Variants in ARHGAP6 observed in about 807,000 individuals in gnomAD.
The protein encoded by ARHGAP6 is Rho GTPase activating protein 6, also known as rho GTPase-activating protein 6.
Under a neutral mutation model 55.7 loss-of-function variants are expected in ARHGAP6, and 16 were observed. The observed-to-expected ratio is 0.29, with a 90% CI of 0.19 to 0.44. The LOEUF (loss-of-function observed/expected upper bound fraction) is 0.44, where lower values mean the gene tolerates loss of function less well. Ranked by LOEUF, ARHGAP6 falls within the 20% of genes least tolerant of loss-of-function variation. The pLI is 1.00. For synonymous variants in ARHGAP6, 382 were observed against 360.9 expected (o/e 1.06, Z -0.66); for missense variants, 698 against 808.9 (o/e 0.86, Z 1.66).
rs5933862 is a variant in ARHGAP6, at chrX:11,137,609, T to A, written c.*1254A>T. 0.21 allele frequency: 22,220 copies of A among 107,989 alleles called. 1,804 individuals are homozygous for A. The highest frequency in any genetic ancestry group is 0.27 in the Middle Eastern group (56 of 206). 8.9% of individuals were successfully genotyped at this position (107,989 alleles called of 1,213,427 possible). A position where few individuals can be genotyped will look rare whatever the true frequency, so the allele number is the denominator to read the frequency against. ...TTAAGAAACACCACTGGGAATTTCATCACCAACATGAAAATTAAGAGTAGC... is the reference window on the plus strand; with the variant it reads ...TTAAGAAACACCACTGGGAATTTCAACACCAACATGAAAATTAAGAGTAGC... On this transcript the variant is annotated 3_prime_UTR_variant, in exon 13 of 13. Coordinates refer to ENST00000337414, the MANE Select transcript of ARHGAP6 (RefSeq NM_013427.3).
At chrX:11,195,959 C>CAAAAAAAAAAA (rs1024986729) in intron 3 of ARHGAP6, among the ~76,000 whole-genome samples, 4 of 8,413 alleles carry the variant, frequency 4.8e-4, no homozygotes, top group African/African-American at 9.0e-4. Flanking sequence ...ACTAAAAATA[C>CAAAAAAAAAAA]AAAAAAAAAA....
chrX:11,531,241 A>C (rs992711990), intron 1 of ARHGAP6, among the ~76,000 whole-genome samples: 1 of 111,690 alleles, frequency 9.0e-6, no homozygotes, highest in African/African-American at 3.3e-5. Context: ...AGGAAAAAGG[A>C]CCTTCCAAAT....
chrX:11,274,372 T>C (rs759084048), intron 1 of ARHGAP6, among the ~76,000 whole-genome samples: 26 of 111,758 alleles, frequency 2.3e-4, no homozygotes, highest in African/African-American at 8.4e-4. Context: ...CCCACTCATT[T>C]ACCTATTGTC....
At chrX:11,148,525 C>T (rs1038484316) in intron 10 of ARHGAP6, 5 of 239,880 alleles carry the variant, frequency 2.1e-5, no homozygotes, top group South Asian at 1.9e-4. Flanking sequence ...AGGGTTTCCC[C>T]GTTAGACCCC....
chrX:11,310,246 C>T (rs1362364873), intron 1 of ARHGAP6, among the ~76,000 whole-genome samples: 1 of 103,370 alleles, frequency 9.7e-6, no homozygotes, highest in East Asian at 3.0e-4. Flanking sequence ...GGATGTGGAA[C>T]CCTTACATAG....
intron 1 of ARHGAP6, among the ~76,000 whole-genome samples, chrX:11,639,008 C>T (rs2052445755): frequency 9.0e-6 from 1 of 110,707 alleles, no homozygotes; most frequent in Non-Finnish European, 1.9e-5. Flanking sequence ...CATGGATTGA[C>T]AGCCTCATTT....
At chrX:11,522,770 G>A (rs1417159958) in intron 1 of ARHGAP6, among the ~76,000 whole-genome samples, 1 of 111,365 alleles carries the variant, frequency 9.0e-6, no homozygotes, top group Non-Finnish European at 1.9e-5. Flanking sequence ...AAAAGTCCAG[G>A]ACAAGATGGA....
chrX:11,257,732 CACAA>C (rs963535178), intron 1 of ARHGAP6, among the ~76,000 whole-genome samples: 2 of 111,715 alleles, frequency 1.8e-5, no homozygotes, highest in South Asian at 3.7e-4. Context: ...GTAGGAAGAA[CACAA>C]ACAATCCATA....
At chrX:11,557,979 C>G (rs891748506) in intron 1 of ARHGAP6, among the ~76,000 whole-genome samples, 1 of 111,874 alleles carries the variant, frequency 8.9e-6, no homozygotes, top group Middle Eastern at 4.6e-3. Context: ...AGACCTACCA[C>G]AATGCATGCT....
chrX:11,533,983 T>A (rs978498372), intron 1 of ARHGAP6, among the ~76,000 whole-genome samples: 1 of 112,149 alleles, frequency 8.9e-6, no homozygotes, highest in African/African-American at 3.2e-5. Flanking sequence ...TTTGGAAAGA[T>A]CACTGTGACA....
chrX:11,394,296 G>A (rs1173980325), intron 1 of ARHGAP6, among the ~76,000 whole-genome samples: 1 of 111,821 alleles, frequency 8.9e-6, no homozygotes, highest in Non-Finnish European at 1.9e-5. Flanking sequence ...ATGTCATGTT[G>A]TATGGTTCCA....
intron 1 of ARHGAP6, among the ~76,000 whole-genome samples, chrX:11,317,166 T>A (rs1453231044): frequency 8.9e-6 from 1 of 112,442 alleles, no homozygotes; most frequent in African/African-American, 3.2e-5. Flanking sequence ...TTTCCTAGAA[T>A]GTAAGTGAGT....
intron 1 of ARHGAP6, among the ~76,000 whole-genome samples, chrX:11,270,123 G>A (rs542753918): frequency 2.0e-4 from 22 of 112,267 alleles, no homozygotes; most frequent in South Asian, 1.1e-3. Context: ...AGCGTAAAGC[G>A]TAAAGAGCTT....
At chrX:11,241,420 G>A (rs1602943138) in intron 2 of ARHGAP6, among the ~76,000 whole-genome samples, 1 of 110,932 alleles carries the variant, frequency 9.0e-6, no homozygotes. Context: ...GTGGGAACCA[G>A]GGTTCAAGAG....
At chrX:11,565,574 G>A (rs2051432847) in intron 1 of ARHGAP6, among the ~76,000 whole-genome samples, 1 of 112,376 alleles carries the variant, frequency 8.9e-6, no homozygotes, top group African/African-American at 3.2e-5. Flanking sequence ...TGGGCCAGTG[G>A]CCCATGGGAG....
At chrX:11,396,596 G>T (rs2049480225) in intron 1 of ARHGAP6, among the ~76,000 whole-genome samples, 1 of 111,508 alleles carries the variant, frequency 9.0e-6, no homozygotes, top group African/African-American at 3.3e-5. Context: ...TTTTTGCTAG[G>T]TACCAGTCCA....
intron 2 of ARHGAP6, among the ~76,000 whole-genome samples, chrX:11,211,257 T>C (rs1277772186): frequency 1.9e-5 from 2 of 104,508 alleles, no homozygotes; most frequent in East Asian, 3.0e-4. Flanking sequence ...GAGTTTCCTC[T>C]GTCGCCCAGG....
rs2147685964 is a variant in ARHGAP6 at position 11,358,449 on chromosome X, CTTT to C, written c.589-103745_589-103743del. Among the ~76,000 whole-genome samples, 3 of 90,039 alleles carry C rather than the reference CTTT, an allele frequency of 3.3e-5. No homozygotes were observed. The South Asian group carries it at 1.8e-3, about 53-fold the overall frequency. The allele number at this position is 90,039 out of a possible 115,157, so 78.2% of individuals were successfully genotyped here. A position where few individuals can be genotyped will look rare whatever the true frequency, so the allele number is the denominator to read the frequency against. ...TAACTGTATCTTTCTTTCTTTCTTT[CTTT>C]CTTTCTTTCTTTCTTTCTTTCTTTC... is the stretch of plus-strand genomic sequence containing the variant. On this transcript the variant is annotated intron_variant, in intron 1 of 12. Coordinates refer to ENST00000337414, the MANE Select transcript of ARHGAP6 (RefSeq NM_013427.3).
At chrX:11,318,879 A>G (rs1401449503) in intron 1 of ARHGAP6, among the ~76,000 whole-genome samples, 1 of 112,140 alleles carries the variant, frequency 8.9e-6, no homozygotes, top group Non-Finnish European at 1.9e-5. Flanking sequence ...TGCCAAGAAG[A>G]CAGAGGGGAG....
Sources: allele counts gnomAD v4.1 joint callset (sites outside exome capture counted in the v4.1 genomes callset), GRCh38; gene constraint gnomAD v4.1.1; transcripts MANE v1.5; gene names NCBI Gene and HGNC (gene_info 2026-07-23, HGNC 2026-07-21).